The following LRRC7 variants were observed in gnomAD, a reference collection of about 807,000 sequenced individuals.
LRRC7 encodes leucine rich repeat containing 7.
In LRRC7, 23 loss-of-function variants were observed where a neutral mutation model predicts 175.7. The ratio of observed to expected loss-of-function variants is 0.13; its 90% CI spans 0.09 to 0.19. LRRC7 has a LOEUF of 0.19. Among genes scored for constraint, LRRC7 ranks in the 10% least tolerant of loss-of-function variants. The probability of loss-of-function intolerance (pLI) is 1.00; values close to 1 mark genes in which losing one functional copy is unlikely to be tolerated. For synonymous variants in LRRC7, 685 were observed against 680.9 expected (o/e 1.01, Z -0.09); for missense variants, 1,354 against 1,904.7 (o/e 0.71, Z 5.38).
At chr1:69,783,261 T>G (rs988677724) in intron 3 of LRRC7, among the ~76,000 whole-genome samples, 3 of 152,180 alleles carry the variant, frequency 2.0e-5, no homozygotes, top group African/African-American at 7.2e-5. Flanking sequence ...AGGCATTCTC[T>G]CATATTTCTT....
intron 4 of LRRC7, among the ~76,000 whole-genome samples, chr1:69,800,415 G>T (rs1676332135): frequency 6.6e-6 from 1 of 151,744 alleles, no homozygotes; most frequent in Non-Finnish European, 1.5e-5. Flanking sequence ...TCTACAATTT[G>T]TTTCACCAGT....
In LRRC7 at chr1:69,785,233, G is replaced by A. The variant is rs139824392; in HGVS notation, c.304-6810G>A. 1.7e-3 allele frequency among the ~76,000 whole-genome samples: 252 copies of A among 152,004 alleles called. 2 individuals are homozygous for A. The highest frequency in any genetic ancestry group is 5.9e-3 in the African/African-American group (246 of 41,486). On this transcript the variant is annotated intron_variant, in intron 3 of 26. Coordinates refer to ENST00000651989, the MANE Select transcript of LRRC7 (RefSeq NM_001370785.2). Reference sequence around the variant, plus strand: ...AAATATATTAATGTTACTATACTAGGTACATTTATAATTGTTATACATTCC... The same window carrying A: ...AAATATATTAATGTTACTATACTAGATACATTTATAATTGTTATACATTCC...
At chr1:69,687,533 A>G (rs1206415938) in intron 2 of LRRC7, among the ~76,000 whole-genome samples, 5 of 115,410 alleles carry the variant, frequency 4.3e-5, no homozygotes, top group African/African-American at 1.3e-4. Context: ...AAAAAAAAAA[A>G]AAAAAGAAAA....
At chr1:70,031,877 C>T (rs2102005751) in intron 18 of LRRC7, among the ~76,000 whole-genome samples, 1 of 151,880 alleles carries the variant, frequency 6.6e-6, no homozygotes, top group East Asian at 1.9e-4. Flanking sequence ...CAGCTCACTG[C>T]AACTTCCGAC....
chr1:69,639,583 G>T (rs986087264), intron 1 of LRRC7, among the ~76,000 whole-genome samples: 1 of 151,682 alleles, frequency 6.6e-6, no homozygotes, highest in Non-Finnish European at 1.5e-5. Context: ...TCTTTAAAGG[G>T]GTTTTAGATT....
chr1:69,670,603 T>C (rs941095386), intron 1 of LRRC7, among the ~76,000 whole-genome samples: 1 of 152,272 alleles, frequency 6.6e-6, no homozygotes, highest in Admixed American at 6.5e-5. Context: ...TGGTGGCAAG[T>C]TCCCCCTGGC....
chr1:69,911,442 T>A (rs1646527803), intron 7 of LRRC7, among the ~76,000 whole-genome samples: 1 of 152,194 alleles, frequency 6.6e-6, no homozygotes, highest in Admixed American at 6.5e-5. Context: ...TTCCCTTTTC[T>A]CCACAACCTC....
chr1:70,008,193 G>A lies in LRRC7; in HGVS notation c.1005-3604G>A, dbSNP rs140955799. ...CAGCACAGGAGAAAGATGTAGGCTGGGGGGCTAGGCCCATCTCGCCTTTTC... is the reference window on the plus strand; with the variant it reads ...CAGCACAGGAGAAAGATGTAGGCTGAGGGGCTAGGCCCATCTCGCCTTTTC... On this transcript the variant is annotated intron_variant, in intron 11 of 26. Transcript: ENST00000651989. 3.6e-3 allele frequency among the ~76,000 whole-genome samples: 552 copies of A among 152,240 alleles called. 4 individuals carry two copies. The highest frequency in any genetic ancestry group is 0.013 in the African/African-American group (532 of 41,560).
intron 14 of LRRC7, 45 bp downstream of exon 14, chr1:70,016,579 A>G (rs751742082): frequency 1.7e-5 from 25 of 1,436,000 alleles, no homozygotes; most frequent in Non-Finnish European, 2.3e-5. Context: ...ATGAACTATA[A>G]TTGAAAGTTT....
At chr1:69,807,548 C>T (rs1443593819) in intron 4 of LRRC7, among the ~76,000 whole-genome samples, 1 of 152,050 alleles carries the variant, frequency 6.6e-6, no homozygotes, top group African/African-American at 2.4e-5. Flanking sequence ...ATTTCTCCTT[C>T]GCTTGTGAAG....
chr1:70,074,339 A>G (rs919345148), intron 23 of LRRC7, among the ~76,000 whole-genome samples: 3 of 152,234 alleles, frequency 2.0e-5, no homozygotes, highest in African/African-American at 7.2e-5. Flanking sequence ...GGCAGCAAGC[A>G]AGAGTTGAAT....
intron 7 of LRRC7, among the ~76,000 whole-genome samples, chr1:69,912,981 A>T (rs1646579058): frequency 6.6e-6 from 1 of 152,176 alleles, no homozygotes; most frequent in South Asian, 2.1e-4. Context: ...ATTGTGCATT[A>T]AACTAGAGAT....
At chr1:69,777,352 C>T (rs1056432196) in intron 3 of LRRC7, among the ~76,000 whole-genome samples, 3 of 152,182 alleles carry the variant, frequency 2.0e-5, no homozygotes, top group Non-Finnish European at 2.9e-5. Flanking sequence ...ATAATCCATT[C>T]GACCAGGCAA....
intron 7 of LRRC7, among the ~76,000 whole-genome samples, chr1:69,882,921 T>C (rs1686783410): frequency 6.6e-6 from 1 of 152,056 alleles, no homozygotes; most frequent in Non-Finnish European, 1.5e-5. Context: ...ATTTCATCCA[T>C]GTCCCTACAA....
chr1:70,027,220 G>A lies in LRRC7; in HGVS notation c.1795-951G>A, dbSNP rs137866426. Among the ~76,000 whole-genome samples the A allele has an allele frequency of 9.2e-5, 14 of 152,198 alleles. No individual in the cohort carries two copies. In the East Asian group the frequency reaches 2.7e-3, roughly 29 times the overall value. The stretch of plus-strand genomic sequence containing the variant: ...AAACAGTATTGTTGGAACAAGCCAG[G>A]CCAAGTAAATCCTTTTTTTCCCAGT... On this transcript the variant is annotated intron_variant, in intron 17 of 26. Coordinates refer to ENST00000651989, the MANE Select transcript of LRRC7 (RefSeq NM_001370785.2).
intron 9 of LRRC7, among the ~76,000 whole-genome samples, chr1:69,984,501 A>G (rs753395748): frequency 2.8e-4 from 42 of 152,160 alleles, no homozygotes; most frequent in African/African-American, 9.7e-4. Flanking sequence ...TGTGTGGAAC[A>G]TTTATTTACA....
intron 1 of LRRC7, among the ~76,000 whole-genome samples, chr1:69,585,217 T>C (rs1236355656): frequency 6.6e-6 from 1 of 150,996 alleles, no homozygotes; most frequent in Non-Finnish European, 1.5e-5. Context: ...TTTGAGGAAC[T>C]CATCTAGGCA....
At chr1:69,746,708 T>C (rs1221458965) in intron 2 of LRRC7, among the ~76,000 whole-genome samples, 1 of 152,044 alleles carries the variant, frequency 6.6e-6, no homozygotes, top group Non-Finnish European at 1.5e-5. Flanking sequence ...ATGCTACCTC[T>C]AGAGATTGAC....
chr1:69,727,419 T>G (rs948771072), intron 2 of LRRC7, among the ~76,000 whole-genome samples: 4 of 152,214 alleles, frequency 2.6e-5, no homozygotes, highest in African/African-American at 9.6e-5. Flanking sequence ...CCAATCTGAC[T>G]CCTTTACTGA....
Sources: gnomAD v4.1 joint callset for allele counts (sites outside exome capture counted in the v4.1 genomes callset) on GRCh38, gnomAD v4.1.1 for gene constraint, MANE v1.5 for transcripts, NCBI Gene and HGNC (gene_info 2026-07-23, HGNC 2026-07-21) for gene names.